TENM2: variants seen among roughly 807,000 people sequenced by gnomAD.
TENM2 encodes the protein teneurin transmembrane protein 2, also known as teneurin-2.
A neutral mutation model predicts 245.2 loss-of-function variants in TENM2; 52 were observed. The ratio of observed to expected loss-of-function variants is 0.21; its 90% CI spans 0.17 to 0.27. TENM2 has a LOEUF of 0.27. TENM2 is among the 10% of genes least tolerant of loss of function. The probability of loss-of-function intolerance (pLI) is 1.00; values close to 1 mark genes in which losing one functional copy is unlikely to be tolerated. For synonymous variants in TENM2, 1,363 were observed against 1,438.9 expected, an observed-to-expected ratio of 0.95 and a Z score of 1.19; for missense variants, 3,046 against 3,666.8, an observed-to-expected ratio of 0.83 and a Z score of 4.37.
At chr5:168,038,286 C>T (rs1216759002) in intron 5 of TENM2, among the ~76,000 whole-genome samples, 14 of 152,176 alleles carry the variant, frequency 9.2e-5, no homozygotes, top group Admixed American at 8.5e-4. Flanking sequence ...CAAAACAACC[C>T]AAGACCCAGC....
chr5:167,845,299 C>G (rs1219132806), intron 2 of TENM2, among the ~76,000 whole-genome samples: 2 of 136,914 alleles, frequency 1.5e-5, no homozygotes, highest in Non-Finnish European at 3.1e-5. Context: ...CCCACTCTCT[C>G]TCTCTGAATT....
chr5:167,334,894 G>A (rs770562598), intron 1 of TENM2, among the ~76,000 whole-genome samples: 34 of 152,162 alleles, frequency 2.2e-4, no homozygotes, highest in Non-Finnish European at 3.8e-4. Flanking sequence ...AGGAGAAGAA[G>A]TTGACAGAAT....
chr5:167,678,123 G>A (rs1053122069), intron 2 of TENM2, among the ~76,000 whole-genome samples: 4 of 152,048 alleles, frequency 2.6e-5, no homozygotes, highest in Non-Finnish European at 4.4e-5. Flanking sequence ...GCAAACACAT[G>A]CAGAAAAGAT....
At chr5:167,782,970 C>T (rs148785918) in intron 2 of TENM2, among the ~76,000 whole-genome samples, 1 of 152,152 alleles carries the variant, frequency 6.6e-6, no homozygotes, top group Non-Finnish European at 1.5e-5. Flanking sequence ...CTTTCCTCAG[C>T]CTTATTTCTA....
intron 2 of TENM2, among the ~76,000 whole-genome samples, chr5:167,788,517 A>G (rs1215181130): frequency 1.3e-5 from 2 of 152,242 alleles, no homozygotes; most frequent in African/African-American, 4.8e-5. Context: ...GGCAGCATAT[A>G]CAAGCCACAG....
At chr5:167,696,033 AAAAAAAAC>A (rs926724842) in intron 2 of TENM2, among the ~76,000 whole-genome samples, 1 of 151,744 alleles carries the variant, frequency 6.6e-6, no homozygotes, top group Non-Finnish European at 1.5e-5. Context: ...GACTCCGTCA[AAAAAAAAC>A]AAAAAAACAA....
At chr5:167,441,112 A>G (rs59098493) in intron 2 of TENM2, among the ~76,000 whole-genome samples, 54,629 of 152,082 alleles carry the variant, frequency 0.36, 10,411 homozygotes, top group East Asian at 0.66. Context: ...TCAGCCATGC[A>G]TAGAATCTTT....
At chr5:167,200,644 A>G in the TENM2 span, among the ~76,000 whole-genome samples, 1 of 152,044 alleles carries the variant, frequency 6.6e-6, no homozygotes, top group Non-Finnish European at 1.5e-5. Flanking sequence ...TATTTAATTA[A>G]AAGTCAGCAT....
intron 4 of TENM2, among the ~76,000 whole-genome samples, chr5:167,954,059 AG>A (rs1199736239): frequency 1.3e-5 from 2 of 152,342 alleles, no homozygotes; most frequent in Non-Finnish European, 2.9e-5. Context: ...TTAGTTTAAA[AG>A]AATTGGTACA....
intron 8 of TENM2, among the ~76,000 whole-genome samples, chr5:168,094,723 T>A (rs879217165): frequency 1.3e-5 from 2 of 151,670 alleles, no homozygotes; most frequent in South Asian, 2.1e-4. Flanking sequence ...ATAAGGAGCA[T>A]GCAACCCAGA....
chr5:167,173,588 T>C, the TENM2 span, among the ~76,000 whole-genome samples: 2 of 152,152 alleles, frequency 1.3e-5, no homozygotes, highest in African/African-American at 4.8e-5. Flanking sequence ...ATTTTTTTGG[T>C]GTGTGTACAC....
chr5:168,081,119 A>G (rs906892546), intron 7 of TENM2, among the ~76,000 whole-genome samples: 1 of 152,126 alleles, frequency 6.6e-6, no homozygotes, highest in African/African-American at 2.4e-5. Context: ...GTGCTCCTGT[A>G]TTGGGTGCAT....
intron 2 of TENM2, among the ~76,000 whole-genome samples, chr5:167,663,169 AG>A (rs1755338428): frequency 2.0e-5 from 3 of 151,216 alleles, no homozygotes; most frequent in African/African-American, 4.9e-5. Flanking sequence ...AGAGAGAGAG[AG>A]AGAGAGAGAG....
intron 7 of TENM2, among the ~76,000 whole-genome samples, chr5:168,065,851 A>G (rs977996125): frequency 6.6e-5 from 9 of 135,762 alleles, no homozygotes; most frequent in African/African-American, 2.4e-4. Flanking sequence ...TCAAAGAACA[A>G]AGGTTTTTTT....
chr5:167,965,287 G>A (rs1474398493), intron 4 of TENM2: 1 of 152,208 alleles, frequency 6.6e-6, no homozygotes, highest in Non-Finnish European at 1.5e-5. Context: ...TATGAGGCAA[G>A]AGAATTGAGT....
chr5:167,681,723 A>G (rs1241639244), intron 2 of TENM2, among the ~76,000 whole-genome samples: 1 of 152,164 alleles, frequency 6.6e-6, no homozygotes, highest in Non-Finnish European at 1.5e-5. Context: ...TTGCCCTCCA[A>G]AAAGATTGTA....
chr5:167,236,601 A>G, the TENM2 span, among the ~76,000 whole-genome samples: 1 of 152,178 alleles, frequency 6.6e-6, no homozygotes, highest in Non-Finnish European at 1.5e-5. Flanking sequence ...GATCCTTCAA[A>G]TGGTTCATGT....
At chr5:168,221,846 G>C (rs973741250) in intron 23 of TENM2, among the ~76,000 whole-genome samples, 1 of 152,150 alleles carries the variant, frequency 6.6e-6, no homozygotes, top group African/African-American at 2.4e-5. Context: ...GATGACAGGG[G>C]TGTGGAGTCC....
intron 2 of TENM2, among the ~76,000 whole-genome samples, chr5:167,469,894 G>A (rs1766905911): frequency 6.6e-6 from 1 of 152,010 alleles, no homozygotes; most frequent in Non-Finnish European, 1.5e-5. Flanking sequence ...AATTGCAAAT[G>A]TGTTTTGTTT....
Sources: gnomAD v4.1 joint callset for allele counts (sites outside exome capture counted in the v4.1 genomes callset) on GRCh38, gnomAD v4.1.1 for gene constraint, MANE v1.5 for transcripts, NCBI Gene and HGNC (gene_info 2026-07-23, HGNC 2026-07-21) for gene names.